UNC5B: variants seen among roughly 807,000 people sequenced by gnomAD.
The protein encoded by UNC5B is unc-5 netrin receptor B.
A neutral mutation model predicts 103.7 loss-of-function variants in UNC5B; 56 were observed. That is an observed-to-expected ratio of 0.54 (90% CI 0.44 to 0.67). The LOEUF (loss-of-function observed/expected upper bound fraction) is 0.67, where lower values mean the gene tolerates loss of function less well. Ranked by LOEUF, UNC5B falls within the 30% of genes least tolerant of loss-of-function variation. The probability of loss-of-function intolerance (pLI) is 0.00; values close to 1 mark genes in which losing one functional copy is unlikely to be tolerated. For missense variants in UNC5B, 1,194 were observed against 1,284.5 expected, an observed-to-expected ratio of 0.93 and a Z score of 1.08; for synonymous variants, 577 against 542.0, an observed-to-expected ratio of 1.06 and a Z score of -0.90.
intron 9 of UNC5B, 141 bp from the exon 10 acceptor site, chr10:71,291,291 G>A (rs1055972183): frequency 3.6e-6 from 5 of 1,383,588 alleles, no homozygotes; most frequent in African/African-American, 2.9e-5. Context: ...GAGTGACCCA[G>A]GCTGCGGGAT....
At chr10:71,216,115 G>C (rs752031399) in intron 1 of UNC5B, among the ~76,000 whole-genome samples, 6 of 152,014 alleles carry the variant, frequency 3.9e-5, no homozygotes, top group Non-Finnish European at 8.8e-5. Context: ...GACACTTTGG[G>C]ACAGGCCAAC....
At chr10:71,294,087 GC>G (rs35114828) in intron 13 of UNC5B, among the ~76,000 whole-genome samples, 154 bp downstream of exon 13, 2,047 of 152,226 alleles carry the variant, frequency 0.013, 51 homozygotes, top group African/African-American at 0.046. Context: ...CACTGAAACA[GC>G]CTTGGGCACA....
intron 1 of UNC5B, among the ~76,000 whole-genome samples, chr10:71,246,273 G>A (rs1452641400): frequency 2.6e-5 from 4 of 152,208 alleles, no homozygotes; most frequent in African/African-American, 9.7e-5. Flanking sequence ...TGACGCTGAG[G>A]AGGCATGGAG....
At position 71,231,948 on chromosome 10, in the gene UNC5B, C is replaced by T. The variant is rs374718642; in HGVS notation, c.79+18884C>T. 2.3e-4 allele frequency among the ~76,000 whole-genome samples: 35 copies of T among 152,254 alleles called. No homozygotes were observed. In the East Asian group the frequency reaches 6.4e-3, roughly 28 times the overall value. On this transcript the variant is annotated intron_variant, in intron 1 of 16. Coordinates refer to ENST00000335350, the MANE Select transcript of UNC5B (RefSeq NM_170744.5). The stretch of plus-strand genomic sequence containing the variant: ...GTAGCTGAGGTAGAGGACCCTGGAA[C>T]CTGAGGATCTCCAAGGCCTCTCTGA...
chr10:71,229,500 G>A (rs1843640002), intron 1 of UNC5B, among the ~76,000 whole-genome samples: 1 of 152,234 alleles, frequency 6.6e-6, no homozygotes, highest in African/African-American at 2.4e-5. Flanking sequence ...GCGGGGCAGG[G>A]CCTGCTGAGG....
chr10:71,253,320 C>T (rs936798980), intron 1 of UNC5B, among the ~76,000 whole-genome samples: 3 of 152,224 alleles, frequency 2.0e-5, no homozygotes, highest in African/African-American at 7.2e-5. Context: ...TACTGCAAGG[C>T]CCAGGCCCAG....
In UNC5B at chr10:71,288,635, C is replaced by A; in HGVS notation, c.969C>A (p.Ser323Arg). The A allele has an allele frequency of 6.2e-7, 1 of 1,614,030 alleles. No individual in the cohort carries two copies. Among genetic ancestry groups the A allele is most frequent in the Non-Finnish European group, 8.5e-7 (1 of 1,180,036 alleles). ...GCACTGAGTGTGCCCACTGGCGTAG[C>A]CGCGAGTGCATGGCGCCCCCACCCC... ...ACSTECAHWRSRECMAPPPQN... is the reference protein window; with the variant it reads ...ACSTECAHWRRRECMAPPPQN... Residue 323 changes from serine (S) to arginine (R), a missense_variant, in exon 7 of 17, where the codon AGC becomes AGA. By Grantham distance (110) the Ser-to-Arg change is moderately radical. Transcript: ENST00000335350.
chr10:71,285,285 G>A, intron 3 of UNC5B, 41 bp from the exon 4 acceptor site: 1 of 1,559,862 alleles, frequency 6.4e-7, no homozygotes, highest in Non-Finnish European at 8.7e-7. Context: ...TTCTGATCCT[G>A]CCCGCACCTG....
intron 1 of UNC5B, among the ~76,000 whole-genome samples, chr10:71,226,186 T>A (rs1298563594): frequency 3.9e-5 from 6 of 152,208 alleles, no homozygotes; most frequent in Admixed American, 3.9e-4. Flanking sequence ...GTGATTCTCA[T>A]GCCTCAGCCT....
At chr10:71,223,734 G>A (rs935311535) in intron 1 of UNC5B, among the ~76,000 whole-genome samples, 1 of 152,098 alleles carries the variant, frequency 6.6e-6, no homozygotes, top group Non-Finnish European at 1.5e-5. Flanking sequence ...TTTCCTACTT[G>A]TAGCCACAAG....
At chr10:71,260,558 T>C (rs1269626260) in intron 1 of UNC5B, among the ~76,000 whole-genome samples, 1 of 152,170 alleles carries the variant, frequency 6.6e-6, no homozygotes, top group East Asian at 1.9e-4. Context: ...TCAGGGCCCT[T>C]GGTCATCTGG....
intron 1 of UNC5B, among the ~76,000 whole-genome samples, chr10:71,236,099 G>A (rs1009637539): frequency 3.3e-5 from 5 of 152,076 alleles, no homozygotes; most frequent in South Asian, 2.1e-4. Context: ...GTGGAGATCT[G>A]AGTCCAAAGA....
chr10:71,225,056 T>C (rs541339167), intron 1 of UNC5B, among the ~76,000 whole-genome samples: 4 of 152,186 alleles, frequency 2.6e-5, no homozygotes, highest in Non-Finnish European at 5.9e-5. Flanking sequence ...AGAGCCTGCC[T>C]TGTTAGACAC....
chr10:71,290,412 G>A (rs914100839), intron 8 of UNC5B, among the ~76,000 whole-genome samples: 2 of 152,154 alleles, frequency 1.3e-5, no homozygotes, highest in Middle Eastern at 3.4e-3. Flanking sequence ...TCAGCTCCCC[G>A]TCCCTCCACT....
At chr10:71,215,293 G>T (rs779889922) in intron 1 of UNC5B, among the ~76,000 whole-genome samples, 22 of 152,292 alleles carry the variant, frequency 1.4e-4, no homozygotes, top group Non-Finnish European at 2.8e-4. Context: ...CTGTCCAATA[G>T]CCAGACTGAT....
At chr10:71,290,189 G>A (rs982882609) in intron 8 of UNC5B, among the ~76,000 whole-genome samples, 4 of 152,278 alleles carry the variant, frequency 2.6e-5, no homozygotes, top group South Asian at 2.1e-4. Flanking sequence ...GGCTGCATAC[G>A]GGACAGTGCA....
intron 2 of UNC5B, among the ~76,000 whole-genome samples, chr10:71,282,948 C>G (rs1004998732): frequency 2.1e-5 from 3 of 145,780 alleles, no homozygotes; most frequent in Non-Finnish European, 4.5e-5. Context: ...AACTGTGTCT[C>G]TACAAAAAAA....
rs1266393762 is a variant in UNC5B at position 71,240,074 on chromosome 10, A to G, written c.79+27010A>G. Among the ~76,000 whole-genome samples, 4 of 148,844 alleles carry G rather than the reference A, an allele frequency of 2.7e-5. No individual in the cohort carries two copies. In the South Asian group the frequency reaches 6.6e-4, roughly 25 times the overall value. The stretch of plus-strand genomic sequence containing the variant: ...CCTGCTGAGCCTTCCTTCCCTCCCC[A>G]CCTACCCCACCCACCCTCACGGTCT... On this transcript the variant is annotated intron_variant, in intron 1 of 16. Coordinates refer to ENST00000335350, the MANE Select transcript of UNC5B (RefSeq NM_170744.5).
intron 1 of UNC5B, among the ~76,000 whole-genome samples, chr10:71,221,750 G>A (rs913576610): frequency 7.2e-5 from 11 of 152,162 alleles, no homozygotes; most frequent in African/African-American, 1.7e-4. Context: ...GGTCTTGCGC[G>A]ATGTTTAGAG....
Sources: gnomAD v4.1 joint callset for allele counts (sites outside exome capture counted in the v4.1 genomes callset) on GRCh38, gnomAD v4.1.1 for gene constraint, MANE v1.5 for transcripts, NCBI Gene and HGNC (gene_info 2026-07-23, HGNC 2026-07-21) for gene names.